MAGI2: variants seen among roughly 807,000 people sequenced by gnomAD.
The protein encoded by MAGI2 is membrane-associated guanylate kinase, WW and PDZ domain-containing protein 2.
MAGI2 carries 35 observed loss-of-function variants against 133.3 expected under a neutral mutation model. That is an observed-to-expected ratio of 0.26 (90% confidence interval 0.20 to 0.35). The LOEUF is 0.35. Ranked by LOEUF, MAGI2 falls within the 10% of genes least tolerant of loss-of-function variation. The pLI is 1.00. For synonymous variants in MAGI2, 729 were observed against 710.6 expected, an observed-to-expected ratio of 1.03 and a Z score of -0.41; for missense variants, 1,636 against 1,863.4, an observed-to-expected ratio of 0.88 and a Z score of 2.25.
At chr7:78,111,662 AG>A (rs553729875) in intron 20 of MAGI2, among the ~76,000 whole-genome samples, 1 of 152,370 alleles carries the variant, frequency 6.6e-6, no homozygotes, top group Admixed American at 6.5e-5. Flanking sequence ...GACTCTGAAA[AG>A]AAAAAGGTAA....
At chr7:79,431,907 G>A (rs1847805999) in intron 1 of MAGI2, among the ~76,000 whole-genome samples, 1 of 152,172 alleles carries the variant, frequency 6.6e-6, no homozygotes, top group African/African-American at 2.4e-5. Context: ...AGTACTGAGT[G>A]ACCTCAAGAA....
intron 10 of MAGI2, among the ~76,000 whole-genome samples, chr7:78,249,968 T>G (rs73702351): frequency 3.3e-4 from 50 of 152,174 alleles, no homozygotes; most frequent in African/African-American, 1.1e-3. Flanking sequence ...TAAATATGTA[T>G]AATTATTGTC....
At chr7:78,251,495 C>G (rs535901884) in intron 10 of MAGI2, 12 of 152,196 alleles carry the variant, frequency 7.9e-5, no homozygotes, top group Admixed American at 7.8e-4. Context: ...CTACAAAAAG[C>G]CTCCAGACTT....
intron 1 of MAGI2, among the ~76,000 whole-genome samples, chr7:79,013,424 T>C (rs937383861): frequency 1.3e-5 from 2 of 152,222 alleles, no homozygotes; most frequent in East Asian, 3.8e-4. Flanking sequence ...TGCTGTAAGA[T>C]ATTTTAATGA....
chr7:78,679,037 T>G (rs73380245), intron 2 of MAGI2, among the ~76,000 whole-genome samples: 1,657 of 152,280 alleles, frequency 0.011, 32 homozygotes, highest in African/African-American at 0.038. Flanking sequence ...ATTTCATTCA[T>G]TCCTGCTTAA....
intron 1 of MAGI2, among the ~76,000 whole-genome samples, chr7:79,158,252 T>C (rs1324017781): frequency 6.6e-6 from 1 of 152,046 alleles, no homozygotes. Context: ...TCAGCATGCC[T>C]AATACATCTA....
intron 2 of MAGI2, among the ~76,000 whole-genome samples, chr7:78,924,438 A>G: frequency 6.6e-6 from 1 of 152,144 alleles, no homozygotes; most frequent in East Asian, 1.9e-4. Context: ...CCTTTTCTGC[A>G]TCTATTGAGA....
At chr7:78,547,068 C>G (rs1489720873) in intron 3 of MAGI2, among the ~76,000 whole-genome samples, 1 of 152,034 alleles carries the variant, frequency 6.6e-6, no homozygotes, top group Non-Finnish European at 1.5e-5. Flanking sequence ...CAACTTTAAG[C>G]AAAATGACAT....
At chr7:78,505,056 G>C (rs557258566) in intron 4 of MAGI2, among the ~76,000 whole-genome samples, 3 of 152,260 alleles carry the variant, frequency 2.0e-5, no homozygotes, top group African/African-American at 7.2e-5. Flanking sequence ...CCTCAGGATA[G>C]TAAATTTGGA....
intron 3 of MAGI2, among the ~76,000 whole-genome samples, chr7:78,578,360 T>C (rs968144133): frequency 2.6e-5 from 4 of 152,048 alleles, no homozygotes; most frequent in Admixed American, 2.6e-4. Flanking sequence ...GTATATTACA[T>C]AGAGCAAATG....
chr7:78,924,805 A>C (rs1417163414), intron 2 of MAGI2, among the ~76,000 whole-genome samples: 1 of 151,656 alleles, frequency 6.6e-6, no homozygotes, highest in Admixed American at 6.6e-5. Context: ...AGTTCCCCCT[A>C]CTGGAATACT....
At chr7:79,218,463 T>A (rs1313525792) in intron 1 of MAGI2, among the ~76,000 whole-genome samples, 1 of 152,096 alleles carries the variant, frequency 6.6e-6, no homozygotes, top group Non-Finnish European at 1.5e-5. Context: ...AAGGCTCTGT[T>A]ACTTTCTCTA....
At position 78,874,282 on chromosome 7, in the gene MAGI2, A is replaced by G. The variant is rs971624037; in HGVS notation, c.418+132808T>C. On this transcript the variant is annotated intron_variant, in intron 2 of 21. Coordinates refer to ENST00000354212, the MANE Select transcript of MAGI2 (RefSeq NM_012301.4). The stretch of plus-strand genomic sequence containing the variant: ...AAATTGAAAAAATAGAGAAATTTGC[A>G]TATATAGATATTAAGACAACAATAA... Among the ~76,000 whole-genome samples, 26 of 151,326 alleles carry G rather than the reference A, an allele frequency of 1.7e-4. No individual in the cohort carries two copies. In the East Asian group the frequency reaches 2.9e-3, roughly 17 times the overall value.
At chr7:78,848,421 C>G (rs138733825) in intron 2 of MAGI2, among the ~76,000 whole-genome samples, 183 of 152,118 alleles carry the variant, frequency 1.2e-3, no homozygotes, top group African/African-American at 4.1e-3. Flanking sequence ...TTATTTTGCT[C>G]TCTTTCTATC....
chr7:78,456,494 C>T (rs1435582614), intron 6 of MAGI2, among the ~76,000 whole-genome samples: 2 of 152,060 alleles, frequency 1.3e-5, no homozygotes, highest in African/African-American at 4.8e-5. Context: ...AAGCATTGTG[C>T]CAGGCATTGT....
intron 1 of MAGI2, among the ~76,000 whole-genome samples, chr7:79,450,139 G>A (rs973337489): frequency 1.3e-5 from 2 of 151,812 alleles, no homozygotes; most frequent in Admixed American, 1.3e-4. Flanking sequence ...CCCAATGTCT[G>A]AATGAATATT....
intron 21 of MAGI2, chr7:78,073,017 A>G: frequency 2.5e-6 from 1 of 398,566 alleles, no homozygotes; most frequent in Non-Finnish European, 4.4e-6. Flanking sequence ...CTATCTACAT[A>G]GAGGCCAGTA....
intron 1 of MAGI2, among the ~76,000 whole-genome samples, chr7:79,387,431 C>T (rs565092966): frequency 6.6e-6 from 1 of 152,038 alleles, no homozygotes; most frequent in Non-Finnish European, 1.5e-5. Context: ...CTTTCTAATT[C>T]TAAAAAATCA....
chr7:78,667,715 T>C (rs1813793354), intron 2 of MAGI2, among the ~76,000 whole-genome samples: 1 of 152,070 alleles, frequency 6.6e-6, no homozygotes, highest in Non-Finnish European at 1.5e-5. Context: ...ACAAAGGACA[T>C]GAACTCATCA....
Sources: gnomAD v4.1 joint callset for allele counts (sites outside exome capture counted in the v4.1 genomes callset) on GRCh38, gnomAD v4.1.1 for gene constraint, MANE v1.5 for transcripts, NCBI Gene and HGNC (gene_info 2026-07-23, HGNC 2026-07-21) for gene names.